The following TMPRSS15 variants were observed in gnomAD, a reference collection of about 807,000 sequenced individuals.
TMPRSS15 encodes transmembrane serine protease 15.
Under a neutral mutation model 125.3 loss-of-function variants are expected in TMPRSS15, and 128 were observed. The observed-to-expected ratio is 1.02, with a 90% confidence interval of 0.89 to 1.18. The LOEUF (loss-of-function observed/expected upper bound fraction) is 1.18, where lower values mean the gene tolerates loss of function less well. Ranked by LOEUF, TMPRSS15 falls within the 50% of genes most tolerant of loss-of-function variation. TMPRSS15 has a pLI of 0.00. For missense variants in TMPRSS15, 1,283 were observed against 1,212.7 expected (o/e 1.06, Z -0.86); for synonymous variants, 446 against 423.2 (o/e 1.05, Z -0.66).
intron 18 of TMPRSS15, among the ~76,000 whole-genome samples, chr21:18,305,376 G>C (rs1445090679): frequency 6.6e-6 from 1 of 151,976 alleles, no homozygotes; most frequent in Non-Finnish European, 1.5e-5. Context: ...TTTTAGTAGA[G>C]ACGGGGTTTC....
chr21:18,383,877 C>T, intron 3 of TMPRSS15, 99 bp from the exon 4 acceptor site: 5 of 1,386,372 alleles, frequency 3.6e-6, no homozygotes, highest in Non-Finnish European at 5.0e-6. Flanking sequence ...CTATAGTTAT[C>T]ATCTTGCTAA....
chr21:18,436,760 A>G (rs941440272), intron 1 of TMPRSS15, among the ~76,000 whole-genome samples: 3 of 144,650 alleles, frequency 2.1e-5, no homozygotes, highest in African/African-American at 7.8e-5. Flanking sequence ...TTCAAGGAGA[A>G]CTACAAACCA....
At chr21:18,366,981 A>G (rs1374630628) in intron 6 of TMPRSS15, among the ~76,000 whole-genome samples, 1 of 152,094 alleles carries the variant, frequency 6.6e-6, no homozygotes, top group Non-Finnish European at 1.5e-5. Context: ...GCAAATAGAA[A>G]TCTTGATTAA....
At chr21:18,471,319 T>C (rs1978776256) in intron 1 of TMPRSS15, among the ~76,000 whole-genome samples, 1 of 152,160 alleles carries the variant, frequency 6.6e-6, no homozygotes, top group Non-Finnish European at 1.5e-5. Context: ...GATGCATTAT[T>C]GTTCCCCTAC....
chr21:18,468,780 C>T (rs1461599837), intron 1 of TMPRSS15, among the ~76,000 whole-genome samples: 1 of 152,110 alleles, frequency 6.6e-6, no homozygotes, highest in Non-Finnish European at 1.5e-5. Flanking sequence ...TACACTTTGT[C>T]CCCTGCCTTT....
At chr21:18,402,958 G>T (rs1391574261) in intron 1 of TMPRSS15, among the ~76,000 whole-genome samples, 1 of 152,038 alleles carries the variant, frequency 6.6e-6, no homozygotes, top group East Asian at 1.9e-4. Flanking sequence ...TACTCAGTTT[G>T]TGACCTTTTT....
At chr21:18,315,790 A>G (rs910697626) in intron 16 of TMPRSS15, among the ~76,000 whole-genome samples, 9 of 146,064 alleles carry the variant, frequency 6.2e-5, no homozygotes, top group Admixed American at 3.4e-4. Context: ...ACATGTATAC[A>G]CATGTAACAA....
chr21:18,432,223 T>G (rs2076217584), intron 1 of TMPRSS15, among the ~76,000 whole-genome samples: 1 of 152,196 alleles, frequency 6.6e-6, no homozygotes, highest in Non-Finnish European at 1.5e-5. Context: ...TAAGCCATAT[T>G]CCAAGAGTTT....
At chr21:18,286,902 T>C (rs182119235) in intron 21 of TMPRSS15, among the ~76,000 whole-genome samples, 63 of 152,314 alleles carry the variant, frequency 4.1e-4, no homozygotes, top group African/African-American at 1.5e-3. Context: ...TCTACCTCAC[T>C]TCTACCCCAG....
At chr21:18,368,899 AG>A (rs1477303968) in intron 6 of TMPRSS15, among the ~76,000 whole-genome samples, 1 of 152,198 alleles carries the variant, frequency 6.6e-6, no homozygotes, top group East Asian at 1.9e-4. Flanking sequence ...GGCTTGTGTA[AG>A]GCACTTTCTT....
chr21:18,347,756 CA>C (rs1209847182), intron 10 of TMPRSS15, among the ~76,000 whole-genome samples: 5 of 151,920 alleles, frequency 3.3e-5, no homozygotes. Flanking sequence ...TTTATATGGT[CA>C]AAAATAATTT....
chr21:18,331,735 C>A (rs1169843211), intron 14 of TMPRSS15, among the ~76,000 whole-genome samples: 1 of 152,060 alleles, frequency 6.6e-6, no homozygotes, highest in African/African-American at 2.4e-5. Flanking sequence ...TATGCACAAA[C>A]AAGGAGAGTG....
intron 1 of TMPRSS15, among the ~76,000 whole-genome samples, chr21:18,415,879 T>A (rs2123181056): frequency 6.6e-6 from 1 of 152,184 alleles, no homozygotes; most frequent in East Asian, 1.9e-4. Flanking sequence ...GTAGATGACA[T>A]CATCTTGTGT....
At chr21:18,311,224 A>G (rs900349688) in intron 18 of TMPRSS15, among the ~76,000 whole-genome samples, 1 of 152,174 alleles carries the variant, frequency 6.6e-6, no homozygotes, top group Admixed American at 6.6e-5. Context: ...CCAAAGCCAA[A>G]ATGGACAAAT....
rs2075473390 is a variant in TMPRSS15, at chr21:18,343,613, T to TA, written c.1320dup (p.Ile441TyrfsTer4). On this transcript the variant is annotated frameshift_variant, in exon 12 of 25. Transcript: ENST00000284885. LOFTEE classifies it high-confidence loss of function. The stretch of plus-strand genomic sequence containing the variant: ...TTCTCCATATTTTGGTCATTGCTGA[T>TA]ATTAATGCTTAATTTATGGACATTT... The TA allele has an allele frequency of 6.2e-7, 1 of 1,613,696 alleles. No individual in the cohort carries two copies. The highest frequency in any genetic ancestry group is 8.5e-7 in the Non-Finnish European group (1 of 1,179,708).
Position 18,372,914 on chromosome 21 carries a change from C to A in TMPRSS15, c.533-590G>T, listed in dbSNP as rs74992886. On this transcript the variant is annotated intron_variant, in intron 5 of 24. Coordinates refer to ENST00000284885, the MANE Select transcript of TMPRSS15 (RefSeq NM_002772.3). ...GAGATGCACCAAGAAACACATTTTA[C>A]TTCTAGAAATTAACTTGGGAAGTTT... 8.9e-3 allele frequency among the ~76,000 whole-genome samples: 1,353 copies of A among 152,294 alleles called. 21 individuals are homozygous for A. Among genetic ancestry groups the A allele is most frequent in the African/African-American group, 0.031 (1,294 of 41,562 alleles).
intron 6 of TMPRSS15, among the ~76,000 whole-genome samples, chr21:18,365,674 C>CCTTCCTTCCTTA (rs2075727306): frequency 7.5e-6 from 1 of 132,900 alleles, no homozygotes; most frequent in Non-Finnish European, 1.6e-5. Context: ...TTCCTTCCTT[C>CCTTCCTTCCTTA]CTTCCTTCCT....
chr21:18,326,001 A>G (rs547829018), intron 16 of TMPRSS15, among the ~76,000 whole-genome samples: 1 of 152,216 alleles, frequency 6.6e-6, no homozygotes, highest in East Asian at 1.9e-4. Flanking sequence ...GTTGTCTCCA[A>G]TAAGTTAATG....
intron 1 of TMPRSS15, among the ~76,000 whole-genome samples, chr21:18,447,774 G>T (rs536070107): frequency 1.2e-4 from 19 of 152,168 alleles, no homozygotes; most frequent in African/African-American, 4.6e-4. Flanking sequence ...TGATCGTGAG[G>T]CCTCCCTAGC....
Sources: allele counts gnomAD v4.1 joint callset (sites outside exome capture counted in the v4.1 genomes callset), GRCh38; gene constraint gnomAD v4.1.1; transcripts MANE v1.5; gene names NCBI Gene and HGNC (gene_info 2026-07-23, HGNC 2026-07-21).